Variants in NBEAL1 observed in about 807,000 individuals in gnomAD.
NBEAL1 encodes neurobeachin like 1, also known as neurobeachin-like protein 1.
In NBEAL1, 273 loss-of-function variants were observed where a neutral mutation model predicts 351.3. The observed-to-expected ratio is 0.78, with a 90% CI of 0.70 to 0.86. The LOEUF (loss-of-function observed/expected upper bound fraction) is 0.86. Ranked by LOEUF, NBEAL1 falls within the 40% of genes least tolerant of loss-of-function variation. The pLI, the probability that NBEAL1 is intolerant of heterozygous loss-of-function variation, is 0.00. For missense variants in NBEAL1, 2,961 were observed against 3,201.3 expected, an observed-to-expected ratio of 0.92 and a Z score of 1.81; for synonymous variants, 1,050 against 1,086.4, an observed-to-expected ratio of 0.97 and a Z score of 0.66.
At chr2:203,206,139 AG>A (rs2065548495) in intron 51 of NBEAL1, among the ~76,000 whole-genome samples, 1 of 152,228 alleles carries the variant, frequency 6.6e-6, no homozygotes, top group South Asian at 2.1e-4. Context: ...TAAGAATGGC[AG>A]TTCAATAAAA....
At position 203,116,292 on chromosome 2, in the gene NBEAL1, T is replaced by C. The variant is rs551860882; in HGVS notation, c.2592+222T>C. ...TATCATTATGTCATCCCTGTGGTAC[T>C]AATGGCAATAGTTACAGTTGGAATT... On this transcript the variant is annotated intron_variant, in intron 18 of 55. Coordinates refer to ENST00000683969, the MANE Select transcript of NBEAL1 (RefSeq NM_001378026.1). Among the ~76,000 whole-genome samples the C allele has an allele frequency of 3.9e-5, 6 of 152,250 alleles. No individual in the cohort carries two copies. In the South Asian group the frequency reaches 1.0e-3, roughly 26 times the overall value.
chr2:203,159,863 G>A (rs888459855), intron 36 of NBEAL1, among the ~76,000 whole-genome samples: 2 of 151,874 alleles, frequency 1.3e-5, no homozygotes, highest in Non-Finnish European at 2.9e-5. Context: ...CAAGGTATGA[G>A]TGTTCTAATT....
chr2:203,208,071 C>T (rs1575132939), intron 51 of NBEAL1, among the ~76,000 whole-genome samples: 1 of 152,042 alleles, frequency 6.6e-6, no homozygotes, highest in African/African-American at 2.4e-5. Flanking sequence ...TACCTGAGTC[C>T]CAGAGTTCAA....
At chr2:203,047,261 A>T in intron 3 of NBEAL1, among the ~76,000 whole-genome samples, 1 of 151,994 alleles carries the variant, frequency 6.6e-6, no homozygotes, top group Non-Finnish European at 1.5e-5. Context: ...ACAAACACAT[A>T]CAAGTAGACA....
chr2:203,125,226 G>T (rs890041012), intron 19 of NBEAL1, 126 bp from the exon 20 acceptor site: 7 of 633,390 alleles, frequency 1.1e-5, no homozygotes, highest in African/African-American at 1.9e-5. Flanking sequence ...AATTCCTTCA[G>T]CTTAGGTTAT....
intron 7 of NBEAL1, among the ~76,000 whole-genome samples, chr2:203,074,529 C>A (rs1300884701): frequency 3.3e-5 from 5 of 151,886 alleles, no homozygotes; most frequent in Admixed American, 3.3e-4. Context: ...GGTTTCGCCA[C>A]GTTGACCAGG....
intron 51 of NBEAL1, among the ~76,000 whole-genome samples, chr2:203,207,058 C>T (rs927793229): frequency 2.0e-5 from 3 of 151,018 alleles, no homozygotes; most frequent in South Asian, 2.1e-4. Context: ...GTGGGGAGCG[C>T]CTCTGCCCTG....
chr2:203,100,573 G>A (rs1257866472), intron 12 of NBEAL1, among the ~76,000 whole-genome samples: 1 of 149,436 alleles, frequency 6.7e-6, no homozygotes, highest in Non-Finnish European at 1.5e-5. Flanking sequence ...TGGAGGTAGG[G>A]TCTCCCTCTG....
intron 49 of NBEAL1, 80 bp downstream of exon 49, chr2:203,199,527 T>C (rs2065334266): frequency 1.0e-5 from 7 of 698,732 alleles, no homozygotes; most frequent in Non-Finnish European, 1.7e-5. Flanking sequence ...AATTGATTCA[T>C]TTATTCTGAA....
At chr2:203,028,872 A>G (rs1054805562) in intron 2 of NBEAL1, among the ~76,000 whole-genome samples, 1 of 152,114 alleles carries the variant, frequency 6.6e-6, no homozygotes, top group Non-Finnish European at 1.5e-5. Context: ...TTGAGCAGAA[A>G]GTATAGAGCA....
chr2:203,200,404 T>C (rs1261093556), intron 49 of NBEAL1, among the ~76,000 whole-genome samples: 2 of 152,048 alleles, frequency 1.3e-5, no homozygotes, highest in Non-Finnish European at 2.9e-5. Context: ...TCCCAGCTAC[T>C]AGGGAGGCTG....
In NBEAL1 at chr2:203,175,270, C is replaced by G; in HGVS notation, c.6447C>G (p.Ile2149Met). 6.2e-7 allele frequency: 1 copy of G among 1,613,314 alleles called. No individual in the cohort carries two copies. The highest frequency in any genetic ancestry group is 2.2e-5 in the East Asian group (1 of 44,840). Residue 2149 changes from isoleucine to methionine, a missense_variant, in exon 42 of 56, where the codon ATC (isoleucine) becomes ATG (methionine). Transcript: ENST00000683969. ...IRVEPFTTLHIQLQSGRFDCA... is the reference protein window; with the variant it reads ...IRVEPFTTLHMQLQSGRFDCA... The stretch of plus-strand genomic sequence containing the variant: ...TAGAACCGTTCACCACCCTCCACAT[C>G]CAACTTCAGAGTGGAAGGTATGTTT...
intron 31 of NBEAL1, among the ~76,000 whole-genome samples, chr2:203,141,366 A>ATTATTATTATTATTAT (rs1185870312): frequency 1.1e-4 from 1 of 9,108 alleles, no homozygotes; most frequent in African/African-American, 2.6e-4. Context: ...TATTATTATT[A>ATTATTATTATTATTAT]TTTTTTTTTT....
chr2:203,120,017 C>A (rs1451362756), intron 18 of NBEAL1, among the ~76,000 whole-genome samples: 2 of 151,820 alleles, frequency 1.3e-5, no homozygotes, highest in Non-Finnish European at 2.9e-5. Context: ...TATGCTATAC[C>A]CTTACAATAC....
At chr2:203,084,272 C>T (rs918141582) in intron 9 of NBEAL1, among the ~76,000 whole-genome samples, 191 bp from the exon 10 acceptor site, 5 of 151,994 alleles carry the variant, frequency 3.3e-5, no homozygotes, top group African/African-American at 1.2e-4. Flanking sequence ...TCATAACGAA[C>T]ATTAATTGTT....
chr2:203,149,700 G>A (rs2063601045), intron 34 of NBEAL1, among the ~76,000 whole-genome samples: 1 of 152,016 alleles, frequency 6.6e-6, no homozygotes, highest in African/African-American at 2.4e-5. Flanking sequence ...AAAAGGAAAT[G>A]CTGTACCTAT....
chr2:203,178,032 A>T (rs186633984), intron 42 of NBEAL1, among the ~76,000 whole-genome samples: 61 of 151,764 alleles, frequency 4.0e-4, no homozygotes, highest in Middle Eastern at 3.4e-3. Flanking sequence ...AAAAAAAAAT[A>T]AAAAAGTTAA....
intron 31 of NBEAL1, among the ~76,000 whole-genome samples, chr2:203,140,976 C>A (rs950444498): frequency 6.6e-6 from 1 of 151,820 alleles, no homozygotes; most frequent in Non-Finnish European, 1.5e-5. Context: ...AAGACTCTGT[C>A]TCAAAATAAA....
At chr2:203,197,812 G>A (rs2065280823) in intron 48 of NBEAL1, among the ~76,000 whole-genome samples, 1 of 152,032 alleles carries the variant, frequency 6.6e-6, no homozygotes, top group African/African-American at 2.4e-5. Flanking sequence ...GGGAGGCTGA[G>A]GCAGGAGAAT....
Sources: gnomAD v4.1 joint callset for allele counts (sites outside exome capture counted in the v4.1 genomes callset) on GRCh38, gnomAD v4.1.1 for gene constraint, MANE v1.5 for transcripts, NCBI Gene and HGNC (gene_info 2026-07-23, HGNC 2026-07-21) for gene names.